DOCK4: variants seen among roughly 807,000 people sequenced by gnomAD.
DOCK4 encodes the protein dedicator of cytokinesis protein 4.
A neutral mutation model predicts 268.1 loss-of-function variants in DOCK4; 97 were observed. The ratio of observed to expected loss-of-function variants is 0.36; its 90% CI spans 0.31 to 0.43. The LOEUF is 0.43. Ranked by LOEUF, DOCK4 falls within the 20% of genes least tolerant of loss-of-function variation. The pLI is 1.00. For synonymous variants in DOCK4, 954 were observed against 887.2 expected, an observed-to-expected ratio of 1.08 and a Z score of -1.34; for missense variants, 2,145 against 2,455.7, an observed-to-expected ratio of 0.87 and a Z score of 2.67.
chr7:111,746,814 C>CTTTT (rs59197701), intron 43 of DOCK4, among the ~76,000 whole-genome samples: 1 of 110,912 alleles, frequency 9.0e-6, no homozygotes, highest in East Asian at 2.7e-4. Flanking sequence ...TCGGTCTTAT[C>CTTTT]TTTTTTTTTT....
chr7:112,115,652 C>T (rs2729541), intron 1 of DOCK4, among the ~76,000 whole-genome samples: 4,099 of 149,974 alleles, frequency 0.027, 119 homozygotes, highest in African/African-American at 0.059. Flanking sequence ...CATCCATCCA[C>T]CCATCCATCC....
intron 25 of DOCK4, among the ~76,000 whole-genome samples, chr7:111,840,554 GC>G (rs1487379288): frequency 6.6e-6 from 1 of 151,818 alleles, no homozygotes; most frequent in East Asian, 1.9e-4. Flanking sequence ...GCTAGGGAAA[GC>G]ATTTTAAAGT....
At chr7:112,173,958 C>T (rs764225199) in intron 1 of DOCK4, among the ~76,000 whole-genome samples, 4 of 152,122 alleles carry the variant, frequency 2.6e-5, no homozygotes, top group African/African-American at 7.2e-5. Context: ...AAGGAGGGCT[C>T]AGAGATGACC....
chr7:112,115,672 T>TCCAC (rs71150008), intron 1 of DOCK4, among the ~76,000 whole-genome samples: 2 of 150,090 alleles, frequency 1.3e-5, no homozygotes, highest in African/African-American at 2.5e-5. Context: ...CATCCATCCA[T>TCCAC]CATCTATGTA....
chr7:111,953,875 C>T (rs1187249471), intron 8 of DOCK4: 3 of 152,230 alleles, frequency 2.0e-5, no homozygotes, highest in Non-Finnish European at 4.4e-5. Flanking sequence ...TCTTTATCAA[C>T]TAGCCTTTGT....
At chr7:112,205,992 G>A in intron 1 of DOCK4, 110 bp downstream of exon 1, 2 of 1,259,538 alleles carry the variant, frequency 1.6e-6, no homozygotes, top group Admixed American at 2.0e-5. Context: ...CGCGATGCCA[G>A]GATTAGGCAT....
intron 23 of DOCK4, chr7:111,863,145 A>G: frequency 1.9e-6 from 1 of 532,770 alleles, no homozygotes; most frequent in Non-Finnish European, 3.4e-6. Context: ...CCCATTAAAC[A>G]TAAAAAACAA....
chr7:112,199,948 A>G (rs1820769491), intron 1 of DOCK4, among the ~76,000 whole-genome samples: 2 of 152,366 alleles, frequency 1.3e-5, no homozygotes, highest in African/African-American at 2.4e-5. Context: ...AAGAAATACT[A>G]CAGAAGACAG....
chr7:111,808,613 G>C, intron 30 of DOCK4: 4 of 497,544 alleles, frequency 8.0e-6, no homozygotes, highest in Non-Finnish European at 1.1e-5. Flanking sequence ...AACACACAAA[G>C]GTAAGGTGAC....
chr7:111,938,728 T>A (rs1032042438), intron 11 of DOCK4, among the ~76,000 whole-genome samples: 2 of 152,156 alleles, frequency 1.3e-5, no homozygotes, highest in African/African-American at 4.8e-5. Flanking sequence ...AATAAGACCT[T>A]ATTTGAAAGA....
intron 36 of DOCK4, among the ~76,000 whole-genome samples, chr7:111,774,695 CA>C (rs1315163971): frequency 6.6e-6 from 1 of 152,108 alleles, no homozygotes; most frequent in East Asian, 1.9e-4. Flanking sequence ...GCTGAACAGA[CA>C]AGCGTTGGTT....
chr7:112,140,635 A>G (rs1295873597), intron 1 of DOCK4, among the ~76,000 whole-genome samples: 1 of 151,660 alleles, frequency 6.6e-6, no homozygotes, highest in African/African-American at 2.4e-5. Context: ...AATACACATA[A>G]GAAAAAATAA....
intron 8 of DOCK4, among the ~76,000 whole-genome samples, chr7:111,949,347 A>G (rs1413901346): frequency 6.6e-6 from 1 of 152,204 alleles, no homozygotes; most frequent in African/African-American, 2.4e-5. Context: ...ATATCTGTAC[A>G]TTTCATCAAA....
chr7:112,185,575 AG>A (rs762116132), intron 1 of DOCK4, among the ~76,000 whole-genome samples: 20 of 152,144 alleles, frequency 1.3e-4, no homozygotes, highest in Non-Finnish European at 2.1e-4. Flanking sequence ...TGACTTCAAA[AG>A]GAAGTCAGAA....
chr7:111,809,214 G>A (rs1800896898), intron 29 of DOCK4, 87 bp downstream of exon 29: 3 of 1,100,748 alleles, frequency 2.7e-6, no homozygotes, highest in Non-Finnish European at 1.3e-6. Context: ...GTGATTTCCA[G>A]TTATGCGCAT....
intron 4 of DOCK4, among the ~76,000 whole-genome samples, chr7:111,996,424 A>G (rs1799961775): frequency 6.6e-6 from 1 of 152,200 alleles, no homozygotes; most frequent in Admixed American, 6.6e-5. Context: ...TCTAGGATGG[A>G]CTTTTCCATT....
intron 51 of DOCK4, 86 bp downstream of exon 51, chr7:111,734,968 C>T: frequency 7.4e-6 from 8 of 1,085,074 alleles, no homozygotes; most frequent in African/African-American, 1.6e-5. Flanking sequence ...AAACGCCTAC[C>T]TTTCTCTCAG....
At chr7:112,057,633 G>T (rs1253806149) in intron 1 of DOCK4, among the ~76,000 whole-genome samples, 2 of 151,734 alleles carry the variant, frequency 1.3e-5, no homozygotes, top group Admixed American at 1.3e-4. Flanking sequence ...AAACTAGCTG[G>T]GCTTGGTGGT....
chr7:111,941,940 A>AAACCTCCACC (rs1795237179), intron 10 of DOCK4, among the ~76,000 whole-genome samples: 5 of 152,200 alleles, frequency 3.3e-5, no homozygotes, highest in African/African-American at 7.2e-5. Context: ...CACCTGACTC[A>AAACCTCCACC]TGTCTTCAAA....
Sources: gnomAD v4.1 joint callset for allele counts (sites outside exome capture counted in the v4.1 genomes callset) on GRCh38, gnomAD v4.1.1 for gene constraint, MANE v1.5 for transcripts, NCBI Gene and HGNC (gene_info 2026-07-23, HGNC 2026-07-21) for gene names.